CYP4Z1: variants seen among roughly 807,000 people sequenced by gnomAD.
CYP4Z1 encodes cytochrome P450 family 4 subfamily Z member 1.
Under a neutral mutation model 54.2 loss-of-function variants are expected in CYP4Z1, and 41 were observed. The ratio of observed to expected loss-of-function variants is 0.76; its 90% CI spans 0.59 to 0.98. CYP4Z1 has a LOEUF of 0.98. Ranked by LOEUF, CYP4Z1 falls within the 50% of genes least tolerant of loss-of-function variation. CYP4Z1 has a pLI of 0.00. For synonymous variants in CYP4Z1, 163 were observed against 206.2 expected, an observed-to-expected ratio of 0.79 and a Z score of 1.79; for missense variants, 513 against 599.0, an observed-to-expected ratio of 0.86 and a Z score of 1.50.
intron 11 of CYP4Z1, 33 bp downstream of exon 11, chr1:47,116,765 T>C: frequency 1.3e-6 from 2 of 1,487,014 alleles, no homozygotes. Context: ...TTGATGGAAA[T>C]GTGTAATAGT....
chr1:47,092,107 G>T (rs1206672029), intron 6 of CYP4Z1, among the ~76,000 whole-genome samples: 1 of 151,900 alleles, frequency 6.6e-6, no homozygotes, highest in Non-Finnish European at 1.5e-5. Context: ...TCCACCTCTG[G>T]GGGCACTTCC....
the CYP4Z1 span, among the ~76,000 whole-genome samples, chr1:47,060,810 C>A: frequency 6.6e-6 from 1 of 152,098 alleles, no homozygotes; most frequent in East Asian, 1.9e-4. Context: ...GAACATAAAA[C>A]AATTCTCAGC....
intron 9 of CYP4Z1, 32 bp downstream of exon 9, chr1:47,106,293 T>C (rs1644757445): frequency 6.3e-7 from 1 of 1,590,374 alleles, no homozygotes. Flanking sequence ...TTTTTAACAA[T>C]GCAGCTGTGC....
Position 47,106,186 on chromosome 1 carries a change from T to C in CYP4Z1, c.1126T>C (p.Tyr376His), listed in dbSNP as rs1644755759. The C allele has an allele frequency of 2.5e-6, 4 of 1,613,846 alleles. No individual in the cohort carries two copies. Among genetic ancestry groups the C allele is most frequent in the South Asian group, 2.2e-5 (2 of 91,068 alleles). The change falls in exon 9 of 12, where the codon TAC becomes CAC. Residue 376 changes from tyrosine to histidine, a missense_variant. By Grantham distance (83) the Tyr-to-His change is moderately conservative. Transcript: ENST00000334194. ...GTGCATCAAGGAATGCCTCCGCCTC[T>C]ACGCACCGGTAGTAAACATATCCCG... ...TMCIKECLRL[Y>H]APVVNISRLL...
chr1:47,082,638 C>G (rs1461597258), intron 4 of CYP4Z1, among the ~76,000 whole-genome samples, 177 bp downstream of exon 4: 1 of 151,850 alleles, frequency 6.6e-6, no homozygotes, highest in Non-Finnish European at 1.5e-5. Flanking sequence ...GTATACCCAA[C>G]ACTTCTCACA....
chr1:47,099,920 A>T (rs1235803757), intron 8 of CYP4Z1, among the ~76,000 whole-genome samples: 1 of 152,202 alleles, frequency 6.6e-6, no homozygotes, highest in Non-Finnish European at 1.5e-5. Flanking sequence ...ACCCTGGTTT[A>T]AAAGAAAAAT....
chr1:47,096,285 G>A (rs1319693328), intron 7 of CYP4Z1, among the ~76,000 whole-genome samples: 1 of 152,140 alleles, frequency 6.6e-6, no homozygotes, highest in Non-Finnish European at 1.5e-5. Flanking sequence ...AGGTGTGGCA[G>A]CACTGCCTGT....
chr1:47,087,927 G>C (rs1200888415), intron 6 of CYP4Z1, among the ~76,000 whole-genome samples: 1 of 152,098 alleles, frequency 6.6e-6, no homozygotes, highest in Non-Finnish European at 1.5e-5. Flanking sequence ...TTTGTCAAAG[G>C]CCTTTTCTGC....
the CYP4Z1 span, among the ~76,000 whole-genome samples, chr1:47,061,418 A>G: frequency 3.3e-5 from 5 of 152,194 alleles, 1 homozygote; most frequent in African/African-American, 1.2e-4. Flanking sequence ...ATGCACACAA[A>G]CTAGAAAATC....
At chr1:47,062,238 C>T (rs1294933144), upstream of CYP4Z1, among the ~76,000 whole-genome samples, 2 of 152,242 alleles carry the variant, frequency 1.3e-5, no homozygotes, top group Non-Finnish European at 2.9e-5. Context: ...GCAGAACTAG[C>T]TTGCAGCTCC....
chr1:47,068,906 T>A, intron 2 of CYP4Z1, 143 bp downstream of exon 2: 8 of 1,115,210 alleles, frequency 7.2e-6, no homozygotes, highest in Non-Finnish European at 1.0e-5. Flanking sequence ...CATGTCCTCC[T>A]CAACATCATA....
intron 8 of CYP4Z1, among the ~76,000 whole-genome samples, chr1:47,103,164 T>C (rs1237712972): frequency 6.6e-6 from 1 of 151,872 alleles, no homozygotes; most frequent in African/African-American, 2.4e-5. Context: ...ATTTTTCAGC[T>C]CCAGAATCTC....
intron 7 of CYP4Z1, among the ~76,000 whole-genome samples, chr1:47,097,714 T>C (rs1174991023): frequency 6.6e-6 from 1 of 152,122 alleles, no homozygotes; most frequent in African/African-American, 2.4e-5. Context: ...ACTGTAGTCT[T>C]GTGGTATAAT....
At chr1:47,107,018 T>C (rs1644761763) in intron 9 of CYP4Z1, among the ~76,000 whole-genome samples, 2 of 152,220 alleles carry the variant, frequency 1.3e-5, no homozygotes, top group African/African-American at 4.8e-5. Context: ...TAATTAAATG[T>C]AGCAATATTT....
Position 47,084,721 on chromosome 1 carries a change from C to A in CYP4Z1, c.594C>A (p.His198Gln), listed in dbSNP as rs757734855. Residue 198 changes from histidine to glutamine, a missense_variant, in exon 5 of 12, where the codon CAC becomes CAA. By Grantham distance (24) the His-to-Gln change is conservative. Transcript: ENST00000334194. ...LDSIMKCAFS[H>Q]QGSIQLDSTL... ...GCATCATGAAGTGTGCCTTCAGCCACCAGGGCAGCATCCAGTTGGACAGGT... is the reference window on the plus strand; with the variant it reads ...GCATCATGAAGTGTGCCTTCAGCCAACAGGGCAGCATCCAGTTGGACAGGT... 4 of 1,613,086 alleles carry A rather than the reference C, an allele frequency of 2.5e-6. No homozygotes were observed. The Admixed American group carries it at 6.7e-5, about 27-fold the overall frequency.
chr1:47,088,186 G>A lies in CYP4Z1; in HGVS notation c.772+3208G>A, dbSNP rs577047686. On this transcript the variant is annotated intron_variant, in intron 6 of 11. Coordinates refer to ENST00000334194, the MANE Select transcript of CYP4Z1 (RefSeq NM_178134.3). ...TTTGTTGTGTCTCTGCCAGGCTTTG[G>A]TATCAGGATGATGCTGGCCTCATAA... Among the ~76,000 whole-genome samples the A allele has an allele frequency of 4.0e-3, 616 of 152,242 alleles. 2 individuals are homozygous for A. The highest frequency in any genetic ancestry group is 5.0e-3 in the Non-Finnish European group (337 of 68,002).
At chr1:47,057,370 A>ATATATATG in the CYP4Z1 span, among the ~76,000 whole-genome samples, 1 of 114,768 alleles carries the variant, frequency 8.7e-6, no homozygotes. Flanking sequence ...ATATATATAT[A>ATATATATG]TATATATGTA....
At chr1:47,087,436 T>C (rs1644604568) in intron 6 of CYP4Z1, among the ~76,000 whole-genome samples, 1 of 152,200 alleles carries the variant, frequency 6.6e-6, no homozygotes, top group African/African-American at 2.4e-5. Context: ...GATTCCTAGG[T>C]ATTTTATTCT....
intron 9 of CYP4Z1, among the ~76,000 whole-genome samples, chr1:47,112,623 T>C (rs573827209): frequency 6.6e-6 from 1 of 152,080 alleles, no homozygotes; most frequent in African/African-American, 2.4e-5. Context: ...CAATAGCTCA[T>C]TGAAATAAAT....
Sources: gnomAD v4.1 joint callset for allele counts (sites outside exome capture counted in the v4.1 genomes callset) on GRCh38, gnomAD v4.1.1 for gene constraint, MANE v1.5 for transcripts, NCBI Gene and HGNC (gene_info 2026-07-23, HGNC 2026-07-21) for gene names.